CNTN5: variants seen among roughly 807,000 people sequenced by gnomAD.
The protein encoded by CNTN5 is contactin 5.
A neutral mutation model predicts 129.1 loss-of-function variants in CNTN5; 77 were observed. That is an observed-to-expected ratio of 0.60 (90% CI 0.50 to 0.72). The LOEUF (loss-of-function observed/expected upper bound fraction) is 0.72. CNTN5 is among the 30% of genes least tolerant of loss of function. CNTN5 has a pLI of 0.00. For missense variants in CNTN5, 1,478 were observed against 1,328.8 expected, an observed-to-expected ratio of 1.11 and a Z score of -1.75; for synonymous variants, 509 against 465.6, an observed-to-expected ratio of 1.09 and a Z score of -1.20.
chr11:99,226,369 T>C (rs969718651), intron 1 of CNTN5, among the ~76,000 whole-genome samples: 11 of 152,164 alleles, frequency 7.2e-5, no homozygotes, highest in Admixed American at 7.2e-4. Flanking sequence ...AGTTTAAAAA[T>C]ACAGGTCAAA....
chr11:99,718,714 T>C (rs1243914583), intron 3 of CNTN5, among the ~76,000 whole-genome samples: 1 of 152,136 alleles, frequency 6.6e-6, no homozygotes, highest in African/African-American at 2.4e-5. Flanking sequence ...AAAAAAATTT[T>C]AGTCTCTATT....
intron 10 of CNTN5, among the ~76,000 whole-genome samples, chr11:100,067,076 A>C (rs1180325062): frequency 6.6e-6 from 1 of 151,972 alleles, no homozygotes; most frequent in African/African-American, 2.4e-5. Flanking sequence ...TGGTTTATAA[A>C]ATATCTTGCA....
At chr11:99,462,896 TA>T (rs1944770046) in intron 2 of CNTN5, among the ~76,000 whole-genome samples, 1 of 151,702 alleles carries the variant, frequency 6.6e-6, no homozygotes, top group African/African-American at 2.4e-5. Flanking sequence ...ACCAGCCGGA[TA>T]AACACGGTGA....
chr11:100,284,189 C>A (rs1950712707), intron 18 of CNTN5, among the ~76,000 whole-genome samples: 1 of 152,166 alleles, frequency 6.6e-6, no homozygotes, highest in Non-Finnish European at 1.5e-5. Context: ...CTCTTCAGTG[C>A]ATCTTTCAGC....
At chr11:99,787,185 T>A (rs1463417628) in intron 3 of CNTN5, among the ~76,000 whole-genome samples, 1 of 151,086 alleles carries the variant, frequency 6.6e-6, no homozygotes, top group Non-Finnish European at 1.5e-5. Context: ...TTTAAGAGGA[T>A]GATCTTCTTA....
At chr11:99,637,783 T>C (rs910044647) in intron 3 of CNTN5, among the ~76,000 whole-genome samples, 3 of 151,570 alleles carry the variant, frequency 2.0e-5, no homozygotes, top group Non-Finnish European at 4.4e-5. Flanking sequence ...TTATTACTTA[T>C]ATATAATATT....
intron 2 of CNTN5, among the ~76,000 whole-genome samples, chr11:99,525,198 T>C (rs572394481): frequency 2.6e-5 from 4 of 152,142 alleles, no homozygotes; most frequent in African/African-American, 9.6e-5. Flanking sequence ...ATTATAAACT[T>C]TAAAGCAAGA....
intron 9 of CNTN5, among the ~76,000 whole-genome samples, chr11:100,021,283 T>C (rs1419543492): frequency 6.6e-6 from 1 of 152,214 alleles, no homozygotes; most frequent in African/African-American, 2.4e-5. Context: ...GGAATTTACA[T>C]ACTGCTGTTA....
At chr11:100,220,917 T>C (rs1017004765) in intron 15 of CNTN5, among the ~76,000 whole-genome samples, 2 of 152,190 alleles carry the variant, frequency 1.3e-5, no homozygotes, top group Non-Finnish European at 2.9e-5. Flanking sequence ...AGAGGTATTG[T>C]CAGCTACACA....
chr11:100,237,613 T>C (rs1295958011), intron 16 of CNTN5, among the ~76,000 whole-genome samples: 2 of 152,146 alleles, frequency 1.3e-5, no homozygotes, highest in South Asian at 4.1e-4. Context: ...CGATTAGCTC[T>C]CTAATGAGTT....
intron 2 of CNTN5, among the ~76,000 whole-genome samples, chr11:99,436,328 T>A (rs111390659): frequency 1.1e-4 from 16 of 152,314 alleles, no homozygotes; most frequent in African/African-American, 3.6e-4. Context: ...TATGAATAAA[T>A]GGAGGATCAG....
chr11:100,226,374 G>C (rs558095655), intron 16 of CNTN5, among the ~76,000 whole-genome samples: 1 of 152,056 alleles, frequency 6.6e-6, no homozygotes, highest in South Asian at 2.1e-4. Context: ...TAAGAAACCA[G>C]GTATTTTTAC....
At chr11:99,539,107 T>C (rs1036311456) in intron 2 of CNTN5, among the ~76,000 whole-genome samples, 2 of 152,214 alleles carry the variant, frequency 1.3e-5, no homozygotes, top group Admixed American at 6.5e-5. Context: ...TATTCATAGA[T>C]AACTTGAACT....
In CNTN5 at chr11:99,705,416, C is replaced by G. The variant is rs1291379816; in HGVS notation, c.56-114128C>G. Among the ~76,000 whole-genome samples the G allele has an allele frequency of 3.3e-5, 5 of 151,300 alleles. 1 individual carries two copies. The highest frequency in any genetic ancestry group is 1.3e-4 in the Admixed American group (2 of 15,112). ...ATTCCCTTTTCCTACAGAAAAGACT[C>G]CATGCCTACATGCCCCTGATAAATT... On this transcript the variant is annotated intron_variant, in intron 3 of 24. Transcript: ENST00000524871.
chr11:99,796,239 C>T (rs530714697), intron 3 of CNTN5, among the ~76,000 whole-genome samples: 1 of 152,130 alleles, frequency 6.6e-6, no homozygotes, highest in Non-Finnish European at 1.5e-5. Flanking sequence ...CTGCTGGAAT[C>T]TCTGGGCACA....
intron 3 of CNTN5, among the ~76,000 whole-genome samples, chr11:99,616,062 C>G (rs1950750691): frequency 6.6e-6 from 1 of 152,032 alleles, no homozygotes; most frequent in Admixed American, 6.6e-5. Flanking sequence ...TACACCTGTT[C>G]TGTATACACT....
chr11:99,558,335 A>C, intron 3 of CNTN5: 1 of 363,944 alleles, frequency 2.7e-6, no homozygotes, highest in South Asian at 2.1e-5. Context: ...AATAAAGGAC[A>C]CCCAGTTAGA....
intron 7 of CNTN5, among the ~76,000 whole-genome samples, chr11:99,941,888 A>G (rs1950447301): frequency 6.6e-6 from 1 of 152,138 alleles, no homozygotes; most frequent in Admixed American, 6.6e-5. Context: ...AATAGAGTTT[A>G]TAAGTAGAAC....
intron 1 of CNTN5, among the ~76,000 whole-genome samples, chr11:99,245,892 A>G (rs1861790352): frequency 6.6e-6 from 1 of 152,238 alleles, no homozygotes; most frequent in Middle Eastern, 3.4e-3. Context: ...AGTTGTGACA[A>G]TCAAAAATGT....
Sources: allele counts gnomAD v4.1 joint callset (sites outside exome capture counted in the v4.1 genomes callset), GRCh38; gene constraint gnomAD v4.1.1; transcripts MANE v1.5; gene names NCBI Gene and HGNC (gene_info 2026-07-23, HGNC 2026-07-21).